Variants in ZDHHC2 observed in about 807,000 individuals in gnomAD.
ZDHHC2 encodes palmitoyltransferase ZDHHC2.
Under a neutral mutation model 55.6 loss-of-function variants are expected in ZDHHC2, and 51 were observed. The observed-to-expected ratio is 0.92, with a 90% CI of 0.73 to 1.16. The LOEUF (loss-of-function observed/expected upper bound fraction) is 1.16. Ranked by LOEUF, ZDHHC2 falls within the 50% of genes most tolerant of loss-of-function variation. ZDHHC2 has a pLI of 0.00. For missense variants in ZDHHC2, 491 were observed against 442.4 expected, an observed-to-expected ratio of 1.11 and a Z score of -0.99; for synonymous variants, 199 against 152.9, an observed-to-expected ratio of 1.30 and a Z score of -2.22.
At chr8:17,170,570 C>T (rs1260992334) in intron 1 of ZDHHC2, among the ~76,000 whole-genome samples, 1 of 152,200 alleles carries the variant, frequency 6.6e-6, no homozygotes, top group African/African-American at 2.4e-5. Context: ...CAACATATAG[C>T]TGCTAACCCT....
rs1467199023 is a variant in ZDHHC2 at position 17,221,751 on chromosome 8, A to C, written c.*1530A>C. Reference sequence around the variant, plus strand: ...GAGTGCAATTCTTTGAACAATAGAAATATCTGCAGTCTTTCACAGATTTGT... The same window carrying C: ...GAGTGCAATTCTTTGAACAATAGAACTATCTGCAGTCTTTCACAGATTTGT... On this transcript the variant is annotated 3_prime_UTR_variant, in exon 13 of 13. Coordinates refer to ENST00000262096, the MANE Select transcript of ZDHHC2 (RefSeq NM_016353.5). 1.3e-5 allele frequency: 2 copies of C among 152,526 alleles called. No homozygotes were observed. Among genetic ancestry groups the C allele is most frequent in the Admixed American group, 1.3e-4 (2 of 15,260 alleles). 9.4% of individuals were successfully genotyped at this position (152,526 alleles called of 1,614,324 possible). A position where few individuals can be genotyped will look rare whatever the true frequency, so the allele number is the denominator to read the frequency against.
chr8:17,196,447 C>T lies in ZDHHC2; in HGVS notation c.373+823C>T, dbSNP rs905316947. Reference sequence around the variant, plus strand: ...GCTTGTGCCTATAATCCCAGCAACTCGGGAGCCTGAGGTGGAGGATTGCTT... The same window carrying T: ...GCTTGTGCCTATAATCCCAGCAACTTGGGAGCCTGAGGTGGAGGATTGCTT... On this transcript the variant is annotated intron_variant, in intron 4 of 12. Transcript: ENST00000262096. Among the ~76,000 whole-genome samples, 3 of 151,944 alleles carry T rather than the reference C, an allele frequency of 2.0e-5. No individual in the cohort carries two copies. The East Asian group carries it at 5.8e-4, about 29-fold the overall frequency.
chr8:17,185,506 A>G (rs1805662650), intron 2 of ZDHHC2, among the ~76,000 whole-genome samples: 1 of 151,766 alleles, frequency 6.6e-6, no homozygotes, highest in African/African-American at 2.4e-5. Context: ...AAAAAAAAAA[A>G]GAAAAATACT....
Position 17,220,786 on chromosome 8 carries a change from G to A in ZDHHC2, c.*565G>A, listed in dbSNP as rs1444602244. ...ATTATGAATTCATTACAGAGTCCAG[G>A]TGGCCTGCAGTTGAAGATCATCAAC... On this transcript the variant is annotated 3_prime_UTR_variant, in exon 13 of 13. Coordinates refer to ENST00000262096, the MANE Select transcript of ZDHHC2 (RefSeq NM_016353.5). 6.6e-6 allele frequency: 1 copy of A among 152,128 alleles called. No individual in the cohort carries two copies. The highest frequency in any genetic ancestry group is 1.5e-5 in the Non-Finnish European group (1 of 68,026). 9.4% of individuals were successfully genotyped at this position (152,128 alleles called of 1,614,324 possible).
chr8:17,215,870 A>T (rs1807623280), intron 11 of ZDHHC2, among the ~76,000 whole-genome samples: 1 of 152,184 alleles, frequency 6.6e-6, no homozygotes. Flanking sequence ...TTCTTCAGTC[A>T]GTGTAGTTTG....
At chr8:17,176,298 C>T (rs905912751) in intron 1 of ZDHHC2, among the ~76,000 whole-genome samples, 3 of 151,930 alleles carry the variant, frequency 2.0e-5, no homozygotes, top group South Asian at 2.1e-4. Flanking sequence ...AACTGAAAAC[C>T]CTGTGTTTGG....
Position 17,200,224 on chromosome 8 carries a change from G to C in ZDHHC2, c.476+1811G>C, listed in dbSNP as rs183091718. ...GGCACCTGTGTTTCTTTTCTTCTCT[G>C]CCTGAGGGGGTCTCTTCTACCTGGG... On this transcript the variant is annotated intron_variant, in intron 6 of 12. Coordinates refer to ENST00000262096, the MANE Select transcript of ZDHHC2 (RefSeq NM_016353.5). Among the ~76,000 whole-genome samples the C allele has an allele frequency of 1.3e-3, 202 of 152,304 alleles. 1 individual carries two copies. The highest frequency in any genetic ancestry group is 2.2e-3 in the Non-Finnish European group (150 of 68,034).
At chr8:17,171,221 C>A (rs1804836615) in intron 1 of ZDHHC2, among the ~76,000 whole-genome samples, 1 of 152,148 alleles carries the variant, frequency 6.6e-6, no homozygotes, top group Non-Finnish European at 1.5e-5. Flanking sequence ...AGGAAACACC[C>A]ATACAACTCT....
intron 2 of ZDHHC2, 111 bp from the exon 3 acceptor site, chr8:17,186,220 G>A (rs752200135): frequency 1.6e-5 from 11 of 674,182 alleles, no homozygotes; most frequent in Admixed American, 3.2e-5. Flanking sequence ...CTTTCATAAT[G>A]TATTATAATT....
chr8:17,184,738 C>G (rs1805622275), intron 1 of ZDHHC2, 51 bp from the exon 2 acceptor site: 1 of 1,485,644 alleles, frequency 6.7e-7, no homozygotes, highest in East Asian at 2.5e-5. Context: ...TGTGTCAAGC[C>G]CCGTTTGCCA....
Position 17,170,489 on chromosome 8 carries a change from T to A in ZDHHC2, c.130+13636T>A, listed in dbSNP as rs2952128. Among the ~76,000 whole-genome samples the A allele has an allele frequency of 4.1e-3, 628 of 152,340 alleles. 9 individuals are homozygous for A. Among genetic ancestry groups the A allele is most frequent in the African/African-American group, 0.013 (546 of 41,584 alleles). On this transcript the variant is annotated intron_variant, in intron 1 of 12. Coordinates refer to ENST00000262096, the MANE Select transcript of ZDHHC2 (RefSeq NM_016353.5). Reference sequence around the variant, plus strand: ...AGTACTCATAAGTGTCAAATAATTTTATGAACCTAGAAATAATTGGATTAA... The same window carrying A: ...AGTACTCATAAGTGTCAAATAATTTAATGAACCTAGAAATAATTGGATTAA...
Position 17,217,266 on chromosome 8 carries a change from ATTG to A in ZDHHC2, c.*34+23_*34+25del. On this transcript the variant is annotated intron_variant, in intron 12 of 12. Transcript: ENST00000262096. ...ATAAAAGTACGATAATTTTCCCTTTATTGTTTTATATTTTTAACAGTCTTCTAA... is the reference window on the plus strand; with the variant it reads ...ATAAAAGTACGATAATTTTCCCTTTATTTTATATTTTTAACAGTCTTCTAA... The A allele has an allele frequency of 6.6e-7, 1 of 1,521,464 alleles. No homozygotes were observed. Among genetic ancestry groups the A allele is most frequent in the East Asian group, 2.3e-5 (1 of 43,122 alleles). 94.2% of individuals were successfully genotyped at this position (1,521,464 alleles called of 1,614,324 possible).
rs923425594 is a variant in ZDHHC2, at chr8:17,156,730, C to A, written c.7C>A (p.Pro3Thr). The change falls in exon 1 of 13, where the codon CCC (proline) becomes ACC (threonine). Residue 3 changes from proline to threonine, a missense_variant. Pro to Thr is a conservative substitution (Grantham distance 38). Transcript: ENST00000262096. MA[P>T]SGPGSSARRR... is the part of the protein sequence containing the mutation. ...AGGTGGATGCGGCTGGAAGATGGCG[C>A]CCTCGGGCCCGGGCAGCAGCGCCAG... 1 of 1,476,894 alleles carries A rather than the reference C, an allele frequency of 6.8e-7. No homozygotes were observed. Among genetic ancestry groups the A allele is most frequent in the Non-Finnish European group, 9.0e-7 (1 of 1,111,608 alleles). 91.5% of individuals were successfully genotyped at this position (1,476,894 alleles called of 1,614,324 possible).
intron 3 of ZDHHC2, among the ~76,000 whole-genome samples, chr8:17,194,744 T>G (rs1281881607): frequency 1.3e-5 from 2 of 152,198 alleles, no homozygotes; most frequent in East Asian, 3.8e-4. Flanking sequence ...TACTATTCCA[T>G]TATTTGGATA....
intron 1 of ZDHHC2, among the ~76,000 whole-genome samples, chr8:17,175,070 G>A (rs1325576572): frequency 6.6e-6 from 1 of 152,034 alleles, no homozygotes; most frequent in Non-Finnish European, 1.5e-5. Context: ...TAATTTCTGG[G>A]CCATTTTCCA....
intron 6 of ZDHHC2, among the ~76,000 whole-genome samples, chr8:17,203,356 G>A (rs1010562430): frequency 4.6e-5 from 7 of 151,744 alleles, no homozygotes; most frequent in African/African-American, 1.5e-4. Context: ...TCTGCCTCCC[G>A]AGTAGCTGGA....
intron 1 of ZDHHC2, among the ~76,000 whole-genome samples, chr8:17,170,999 C>T (rs947303048): frequency 1.3e-5 from 2 of 152,080 alleles, no homozygotes; most frequent in African/African-American, 4.8e-5. Context: ...TTGACATTCC[C>T]CTGGGTGGTA....
chr8:17,200,137 C>CA (rs1806673013), intron 6 of ZDHHC2, among the ~76,000 whole-genome samples: 1 of 152,146 alleles, frequency 6.6e-6, no homozygotes, highest in African/African-American at 2.4e-5. Context: ...CCCCATGACC[C>CA]ACCTGCTGAA....
chr8:17,187,051 A>G lies in ZDHHC2; in HGVS notation c.252+626A>G, dbSNP rs1025304565. Among the ~76,000 whole-genome samples the G allele has an allele frequency of 1.3e-5, 2 of 152,212 alleles. 1 individual carries two copies. The highest frequency in any genetic ancestry group is 2.9e-5 in the Non-Finnish European group (2 of 68,042). On this transcript the variant is annotated intron_variant, in intron 3 of 12. Coordinates refer to ENST00000262096, the MANE Select transcript of ZDHHC2 (RefSeq NM_016353.5). ...CAAGAACACTTTCTAGACATTGCTG[A>G]CGTCATTTCCACTTACATTTAGAAG... is the stretch of plus-strand genomic sequence containing the variant.
Sources: gnomAD v4.1 joint callset for allele counts (sites outside exome capture counted in the v4.1 genomes callset) on GRCh38, gnomAD v4.1.1 for gene constraint, MANE v1.5 for transcripts, NCBI Gene and HGNC (gene_info 2026-07-23, HGNC 2026-07-21) for gene names.